The following SMIM10L3 variants were observed in gnomAD, a reference collection of about 807,000 sequenced individuals.
SMIM10L3 encodes small integral membrane protein 10 like 3.
the SMIM10L3 span, among the ~76,000 whole-genome samples, chr7:6,347,250 G>A: frequency 6.6e-6 from 1 of 152,182 alleles, no homozygotes; most frequent in African/African-American, 2.4e-5. Flanking sequence ...CGCTGTGGCT[G>A]ACGCCTATAA....
the SMIM10L3 span, among the ~76,000 whole-genome samples, chr7:6,339,924 G>C: frequency 4.9e-4 from 75 of 152,100 alleles, 1 homozygote; most frequent in African/African-American, 1.8e-3. Flanking sequence ...TCACTCTGCC[G>C]CCCAGGCTGG....
the SMIM10L3 span, among the ~76,000 whole-genome samples, chr7:6,348,404 A>T: frequency 4.6e-5 from 7 of 152,120 alleles, no homozygotes; most frequent in African/African-American, 1.7e-4. Flanking sequence ...CAGAACGGGG[A>T]TAAGGACCAC....
the SMIM10L3 span, among the ~76,000 whole-genome samples, chr7:6,346,759 C>T: frequency 0.027 from 4,104 of 152,232 alleles, 215 homozygotes; most frequent in African/African-American, 0.094. Flanking sequence ...AGGCACCAGC[C>T]ACCTGAAGAC....
chr7:6,347,407 T>C, the SMIM10L3 span, among the ~76,000 whole-genome samples: 45 of 151,816 alleles, frequency 3.0e-4, no homozygotes, highest in Non-Finnish European at 7.4e-5. Context: ...TCCCAGCTAC[T>C]CAGGAGGCTG....
the SMIM10L3 span, among the ~76,000 whole-genome samples, chr7:6,344,749 TA>T: frequency 2.6e-5 from 4 of 151,956 alleles, no homozygotes; most frequent in African/African-American, 7.3e-5. Context: ...ATTTTATTAT[TA>T]TTTTTTTGGA....
At chr7:6,331,275 A>C in the SMIM10L3 span, 7 of 984,630 alleles carry the variant, frequency 7.1e-6, no homozygotes, top group Non-Finnish European at 8.9e-6. Flanking sequence ...AAATGAAGAC[A>C]CATGGGTCTT....
chr7:6,336,172 CA>C, the SMIM10L3 span, among the ~76,000 whole-genome samples: 1,406 of 131,778 alleles, frequency 0.011, 14 homozygotes, highest in Middle Eastern at 0.025. Flanking sequence ...GATTTTGCCT[CA>C]AAAAAAAAAA....
chr7:6,336,728 A>G, the SMIM10L3 span, among the ~76,000 whole-genome samples: 1 of 149,502 alleles, frequency 6.7e-6, no homozygotes, highest in Non-Finnish European at 1.5e-5. Context: ...GTCACGGCTC[A>G]CTGCAGCCTC....
At chr7:6,330,442 A>C in the SMIM10L3 span, 1 of 1,614,090 alleles carries the variant, frequency 6.2e-7, no homozygotes, top group Non-Finnish European at 8.5e-7. Context: ...TGTTATCTGC[A>C]GACCATCTGA....
chr7:6,346,823 C>A, the SMIM10L3 span, among the ~76,000 whole-genome samples: 1 of 152,104 alleles, frequency 6.6e-6, no homozygotes, highest in Non-Finnish European at 1.5e-5. Flanking sequence ...TAGAAAGGGA[C>A]GGCACCTGCA....
chr7:6,346,636 C>T, the SMIM10L3 span, among the ~76,000 whole-genome samples: 2 of 152,172 alleles, frequency 1.3e-5, no homozygotes, highest in African/African-American at 2.4e-5. Context: ...ACACCTTGGC[C>T]TCCCAAAGTG....
the SMIM10L3 span, among the ~76,000 whole-genome samples, chr7:6,339,264 C>T: frequency 8.4e-4 from 127 of 151,894 alleles, 1 homozygote; most frequent in Non-Finnish European, 1.4e-3. Flanking sequence ...GCCTAGGAGC[C>T]GGAGACCAGC....
chr7:6,334,899 G>C, the SMIM10L3 span, among the ~76,000 whole-genome samples: 1 of 151,958 alleles, frequency 6.6e-6, no homozygotes, highest in African/African-American at 2.4e-5. Flanking sequence ...CTCCTGAGTA[G>C]CTGGGATTAT....
At chr7:6,341,303 C>T in the SMIM10L3 span, among the ~76,000 whole-genome samples, 2 of 144,556 alleles carry the variant, frequency 1.4e-5, no homozygotes, top group African/African-American at 2.6e-5. Context: ...ATTGGCTGGG[C>T]CTGGTGGCGG....
At chr7:6,335,093 C>T in the SMIM10L3 span, among the ~76,000 whole-genome samples, 1 of 150,956 alleles carries the variant, frequency 6.6e-6, no homozygotes, top group African/African-American at 2.4e-5. Flanking sequence ...GACAGAGTCT[C>T]ACTCTGTCAC....
At chr7:6,342,385 A>T in the SMIM10L3 span, among the ~76,000 whole-genome samples, 2 of 151,746 alleles carry the variant, frequency 1.3e-5, no homozygotes, top group Non-Finnish European at 2.9e-5. Context: ...ACTCTACTAA[A>T]AATACAAACA....
chr7:6,333,578 A>G, the SMIM10L3 span, among the ~76,000 whole-genome samples: 1 of 152,040 alleles, frequency 6.6e-6, no homozygotes, highest in African/African-American at 2.4e-5. Flanking sequence ...AGCTCACTGC[A>G]GCCTGTAACT....
chr7:6,334,718 G>A, the SMIM10L3 span, among the ~76,000 whole-genome samples: 11 of 152,144 alleles, frequency 7.2e-5, no homozygotes, highest in African/African-American at 2.4e-4. Flanking sequence ...CACCTGCCTT[G>A]GCCTCCCAAA....
At chr7:6,339,641 G>A in the SMIM10L3 span, among the ~76,000 whole-genome samples, 5 of 150,428 alleles carry the variant, frequency 3.3e-5, no homozygotes, top group African/African-American at 9.8e-5. Flanking sequence ...CCGCCACCAC[G>A]CCTGGGTAAT....
Sources: gnomAD v4.1 joint callset for allele counts (sites outside exome capture counted in the v4.1 genomes callset) on GRCh38, gnomAD v4.1.1 for gene constraint, MANE v1.5 for transcripts, NCBI Gene and HGNC (gene_info 2026-07-23, HGNC 2026-07-21) for gene names.